The following MYO1D variants were observed in gnomAD, a reference collection of about 807,000 sequenced individuals.
MYO1D encodes unconventional myosin-Id.
Under a neutral mutation model 122.0 loss-of-function variants are expected in MYO1D, and 83 were observed. The ratio of observed to expected loss-of-function variants is 0.68; its 90% CI spans 0.57 to 0.82. The LOEUF (loss-of-function observed/expected upper bound fraction) is 0.82. MYO1D is among the 40% of genes least tolerant of loss of function. The pLI is 0.00. For missense variants in MYO1D, 1,157 were observed against 1,269.5 expected (o/e 0.91, Z 1.35); for synonymous variants, 464 against 446.9 (o/e 1.04, Z -0.48).
chr17:32,706,798 G>A (rs532973232), intron 16 of MYO1D, among the ~76,000 whole-genome samples: 2 of 152,118 alleles, frequency 1.3e-5, no homozygotes, highest in East Asian at 1.9e-4. Context: ...CCGGGTTCAC[G>A]CCATTCTCCT....
intron 21 of MYO1D, among the ~76,000 whole-genome samples, chr17:32,506,095 A>T (rs1245915664): frequency 6.6e-6 from 1 of 152,188 alleles, no homozygotes; most frequent in Non-Finnish European, 1.5e-5. Context: ...TTCAGACAAC[A>T]AGTGCTCTGA....
intron 21 of MYO1D, among the ~76,000 whole-genome samples, chr17:32,520,121 C>G (rs1910079737): frequency 6.6e-6 from 1 of 152,096 alleles, no homozygotes; most frequent in South Asian, 2.1e-4. Flanking sequence ...TTTTCTTATT[C>G]AAAGCCCAAA....
chr17:32,671,466 G>T (rs974745326), intron 16 of MYO1D, among the ~76,000 whole-genome samples: 1 of 152,188 alleles, frequency 6.6e-6, no homozygotes, highest in East Asian at 1.9e-4. Context: ...AAAGGCATAA[G>T]AATTCTTTAT....
At chr17:32,820,643 G>T (rs1326588957) in intron 1 of MYO1D, among the ~76,000 whole-genome samples, 4 of 152,074 alleles carry the variant, frequency 2.6e-5, no homozygotes, top group Non-Finnish European at 5.9e-5. Flanking sequence ...ACCATATGAG[G>T]GCATATATGG....
intron 19 of MYO1D, among the ~76,000 whole-genome samples, chr17:32,652,743 A>G (rs2088409469): frequency 1.3e-5 from 2 of 152,208 alleles, no homozygotes; most frequent in African/African-American, 4.8e-5. Context: ...ACAAGCAAAT[A>G]CATTCATAGC....
chr17:32,770,441 CTTA>C (rs1021309202), intron 6 of MYO1D, among the ~76,000 whole-genome samples: 127 of 152,096 alleles, frequency 8.3e-4, no homozygotes, highest in African/African-American at 3.0e-3. Flanking sequence ...CCTACCATAT[CTTA>C]TTATATGCAT....
intron 21 of MYO1D, among the ~76,000 whole-genome samples, chr17:32,517,718 T>G (rs1909944175): frequency 6.6e-6 from 1 of 152,260 alleles, no homozygotes; most frequent in African/African-American, 2.4e-5. Flanking sequence ...TCCAATTAGC[T>G]GCCTGGGAAC....
chr17:32,733,038 C>G (rs1299986843), intron 14 of MYO1D, among the ~76,000 whole-genome samples: 2 of 152,212 alleles, frequency 1.3e-5, no homozygotes, highest in South Asian at 2.1e-4. Flanking sequence ...TCTGCTGCAG[C>G]CTGTGTGCTT....
chr17:32,877,018 G>A lies in MYO1D; in HGVS notation c.-146C>T, dbSNP rs1362944661. On this transcript the variant is annotated 5_prime_UTR_variant, in exon 1 of 22. Transcript: ENST00000318217. ...GCACGCCGCTCGGCGGGTCCGGGCC[G>A]GACAGAGGCCGCCTCGCTGCTCCTC... 6.6e-6 allele frequency: 2 copies of A among 304,498 alleles called. No homozygotes were observed. The highest frequency in any genetic ancestry group is 1.1e-5 in the Non-Finnish European group (2 of 175,246). The allele number at this position is 304,498 out of a possible 1,614,324, so 18.9% of individuals were successfully genotyped here. A position where few individuals can be genotyped will look rare whatever the true frequency, so the allele number is the denominator to read the frequency against.
At chr17:32,613,398 A>G (rs2087728335) in intron 20 of MYO1D, among the ~76,000 whole-genome samples, 1 of 152,218 alleles carries the variant, frequency 6.6e-6, no homozygotes, top group Non-Finnish European at 1.5e-5. Context: ...AATCCAAAAT[A>G]ATTAACAAAC....
At chr17:32,707,654 G>A (rs2089325437) in intron 16 of MYO1D, among the ~76,000 whole-genome samples, 1 of 152,230 alleles carries the variant, frequency 6.6e-6, no homozygotes, top group South Asian at 2.1e-4. Context: ...CTGGGAACTT[G>A]CTGGTCAACA....
At chr17:32,795,696 CAAGGTGCAACTTGGGGCAGCA>C (rs1164166890) in intron 1 of MYO1D, among the ~76,000 whole-genome samples, 3 of 151,788 alleles carry the variant, frequency 2.0e-5, no homozygotes, top group African/African-American at 7.3e-5. Flanking sequence ...GGCCCAGTTC[CAAGGTGCAACTTGGGGCAGCA>C]ACTTGCGCCA....
intron 21 of MYO1D, among the ~76,000 whole-genome samples, chr17:32,537,225 C>T (rs1459315966): frequency 1.3e-5 from 2 of 152,124 alleles, no homozygotes; most frequent in Non-Finnish European, 2.9e-5. Context: ...TTCATAGTGT[C>T]CCAAGATATG....
intron 21 of MYO1D, among the ~76,000 whole-genome samples, chr17:32,501,697 G>A (rs372367546): frequency 6.6e-6 from 1 of 152,208 alleles, no homozygotes; most frequent in Admixed American, 6.5e-5. Context: ...GAGGACAGAC[G>A]AGCCTCTGCT....
Position 32,620,877 on chromosome 17 carries a change from A to G in MYO1D, c.2710-15636T>C, listed in dbSNP as rs190161295. On this transcript the variant is annotated intron_variant, in intron 20 of 21. Coordinates refer to ENST00000318217, the MANE Select transcript of MYO1D (RefSeq NM_015194.3). ...AATTTGAAAAAAGCTACGAGAGCCC[A>G]TCGCAAACATACACAAGTATTTGCA... 4.6e-5 allele frequency among the ~76,000 whole-genome samples: 7 copies of G among 152,368 alleles called. No individual in the cohort carries two copies. In the East Asian group the frequency reaches 1.2e-3, roughly 25 times the overall value.
intron 21 of MYO1D, among the ~76,000 whole-genome samples, chr17:32,554,856 T>C (rs1443727066): frequency 6.6e-6 from 1 of 152,150 alleles, no homozygotes; most frequent in East Asian, 1.9e-4. Context: ...ATATACGAAG[T>C]TTTTTCCTTT....
At position 32,501,517 on chromosome 17, in the gene MYO1D, G is replaced by T. The variant is rs143169379; in HGVS notation, c.2865-6602C>A. On this transcript the variant is annotated intron_variant, in intron 21 of 21. Transcript: ENST00000318217. ...GTGGGTTTAGATCAGTCCCTTTTTG[G>T]CCAATCTCATTTCGACACAGTTGTC... Among the ~76,000 whole-genome samples the T allele has an allele frequency of 1.6e-4, 25 of 152,232 alleles. No individual in the cohort carries two copies. In the East Asian group the frequency reaches 4.6e-3, roughly 28 times the overall value.
chr17:32,573,097 G>C (rs117004214), intron 21 of MYO1D, among the ~76,000 whole-genome samples: 1 of 151,934 alleles, frequency 6.6e-6, no homozygotes, highest in Admixed American at 6.6e-5. Context: ...TTATCAACTC[G>C]GTGTTCTGTA....
At chr17:32,652,095 ATCTC>A (rs1336072022) in intron 19 of MYO1D, among the ~76,000 whole-genome samples, 2 of 151,896 alleles carry the variant, frequency 1.3e-5, no homozygotes, top group Non-Finnish European at 2.9e-5. Flanking sequence ...AAACCTGTAC[ATCTC>A]TCTCTCTCTG....
Sources: gnomAD v4.1 joint callset for allele counts (sites outside exome capture counted in the v4.1 genomes callset) on GRCh38, gnomAD v4.1.1 for gene constraint, MANE v1.5 for transcripts, NCBI Gene and HGNC (gene_info 2026-07-23, HGNC 2026-07-21) for gene names.